KRT5: variants seen among roughly 807,000 people sequenced by gnomAD.
KRT5 encodes the protein keratin, type II cytoskeletal 5.
In KRT5, 17 loss-of-function variants were observed where a neutral mutation model predicts 44.0. That is an observed-to-expected ratio of 0.39 (90% confidence interval 0.26 to 0.58). The LOEUF (loss-of-function observed/expected upper bound fraction) is 0.58. Among genes scored for constraint, KRT5 ranks in the 20% least tolerant of loss-of-function variants. The pLI is 0.61. For synonymous variants in KRT5, 329 were observed against 312.8 expected (o/e 1.05, Z -0.55); for missense variants, 737 against 785.5 (o/e 0.94, Z 0.74).
Position 52,516,546 on chromosome 12 carries a change from C to T in KRT5, c.1439+91G>A. The T allele has an allele frequency of 2.4e-6, 3 of 1,234,642 alleles. No individual in the cohort carries two copies. The South Asian group carries it at 3.6e-5, about 15-fold the overall frequency. The allele number at this position is 1,234,642 out of a possible 1,614,324, so 76.5% of individuals were successfully genotyped here. Reference sequence around the variant, plus strand: ...ATGTGTCATTATCACGCACAAGTCACTGATCTCATGTATGTGTGTTGTACA... The same window carrying T: ...ATGTGTCATTATCACGCACAAGTCATTGATCTCATGTATGTGTGTTGTACA... On this transcript the variant is annotated intron_variant, in intron 7 of 8. Coordinates refer to ENST00000252242, the MANE Select transcript of KRT5 (RefSeq NM_000424.4).
intron 5 of KRT5, 129 bp downstream of exon 5, chr12:52,517,461 G>T: frequency 9.0e-7 from 1 of 1,112,598 alleles, no homozygotes; most frequent in Non-Finnish European, 1.4e-6. Flanking sequence ...TGTCTACACA[G>T]CCATTCCTAT....
At chr12:52,519,442 C>T in intron 1 of KRT5, 1 of 628,536 alleles carries the variant, frequency 1.6e-6, no homozygotes. Context: ...TGCCCATGCA[C>T]TTGTCTACCT....
rs61747181 is a variant in KRT5, at chr12:52,520,187, C to T, written c.110G>A (p.Arg37Gln). The T allele has an allele frequency of 2.4e-3, 3,921 of 1,613,946 alleles. 96 individuals carry two copies. In the South Asian group the frequency reaches 0.038, roughly 16 times the overall value. ...GCCACCACCACCGCCACCCCCGGACCGGGACACGGAGGTGAAGCTGGTGCG... is the reference window on the plus strand; with the variant it reads ...GCCACCACCACCGCCACCCCCGGACTGGGACACGGAGGTGAAGCTGGTGCG... ...VSRTSFTSVSRSGGGGGGGFG... is the reference protein window; with the variant it reads ...VSRTSFTSVSQSGGGGGGGFG... The change falls in exon 1 of 9, where the codon CGG becomes CAG. Residue 37 changes from arginine to glutamine, a missense_variant. This residue lies in a region of KRT5 where 326 missense variants were observed against 333.1 expected (regional missense o/e 0.98). Coordinates refer to ENST00000252242, the MANE Select transcript of KRT5 (RefSeq NM_000424.4).
At position 52,514,634 on chromosome 12, in the gene KRT5, T is replaced by G; in HGVS notation, c.*308A>C. The G allele has an allele frequency of 2.4e-6, 1 of 410,694 alleles. No homozygotes were observed. The highest frequency in any genetic ancestry group is 4.3e-6 in the Non-Finnish European group (1 of 230,170). The allele number at this position is 410,694 out of a possible 1,614,324, so 25.4% of individuals were successfully genotyped here. A position where few individuals can be genotyped will look rare whatever the true frequency, so the allele number is the denominator to read the frequency against. ...GGAGGTAGTTAGAACCAAAACAAAATTTGGGATTGGGGTGGGGATTCTGTT... is the reference window on the plus strand; with the variant it reads ...GGAGGTAGTTAGAACCAAAACAAAAGTTGGGATTGGGGTGGGGATTCTGTT... On this transcript the variant is annotated 3_prime_UTR_variant, in exon 9 of 9. Coordinates refer to ENST00000252242, the MANE Select transcript of KRT5 (RefSeq NM_000424.4).
Position 52,519,532 on chromosome 12 carries a change from A to G in KRT5, c.555+210T>C, listed in dbSNP as rs78198419. ...AGTTGTTAAGAGGCCCTTGTGAGCTAACCTCTGAATGGGAAGAAATAATTC... is the reference window on the plus strand; with the variant it reads ...AGTTGTTAAGAGGCCCTTGTGAGCTGACCTCTGAATGGGAAGAAATAATTC... On this transcript the variant is annotated intron_variant, in intron 1 of 8. Transcript: ENST00000252242. 4,302 of 666,544 alleles carry G rather than the reference A, an allele frequency of 6.5e-3. 146 individuals carry two copies. In the African/African-American group the frequency reaches 0.068, roughly 11 times the overall value. The allele number at this position is 666,544 out of a possible 1,614,324, so 41.3% of individuals were successfully genotyped here. A position where few individuals can be genotyped will look rare whatever the true frequency, so the allele number is the denominator to read the frequency against.
Position 52,520,162 on chromosome 12 carries a change from G to A in KRT5, c.135C>T (p.Gly45=), listed in dbSNP as rs746626191. Residue 45 remains glycine (G), a synonymous_variant, in exon 1 of 9, where the codon GGC becomes GGT. Transcript: ENST00000252242. Reference sequence around the variant, plus strand: ...CACCCGCAAGGCTGACCCTGCCGAAGCCACCACCACCGCCACCCCCGGACC... The same window carrying A: ...CACCCGCAAGGCTGACCCTGCCGAAACCACCACCACCGCCACCCCCGGACC... ...VSRSGGGGGG[G]FGRVSLAGAC... is the part of the protein sequence containing the mutation. 1.2e-6 allele frequency: 2 copies of A among 1,613,920 alleles called. No individual in the cohort carries two copies. Among genetic ancestry groups the A allele is most frequent in the East Asian group, 4.5e-5 (2 of 44,878 alleles).
intron 7 of KRT5, chr12:52,516,386 G>T: frequency 1.9e-6 from 1 of 531,176 alleles, no homozygotes; most frequent in South Asian, 2.0e-5. Flanking sequence ...AGGCACAAGT[G>T]TCAAGAAGAT....
chr12:52,515,364 GC>G, intron 8 of KRT5, 124 bp from the exon 9 acceptor site: 1 of 1,370,346 alleles, frequency 7.3e-7, no homozygotes, highest in Non-Finnish European at 1.0e-6. Flanking sequence ...AGCAAACAAG[GC>G]CCGGAAGAAC....
intron 7 of KRT5, 126 bp from the exon 8 acceptor site, chr12:52,515,958 C>T (rs938809611): frequency 1.1e-5 from 9 of 804,528 alleles, no homozygotes; most frequent in Non-Finnish European, 2.0e-5. Context: ...CACCCAAAAG[C>T]TGCTTAAGTT....
Position 52,517,532 on chromosome 12 carries a change from T to A in KRT5, c.1092+58A>T, listed in dbSNP as rs114225611. On this transcript the variant is annotated intron_variant, in intron 5 of 8. Transcript: ENST00000252242. The stretch of plus-strand genomic sequence containing the variant: ...CCCCATTCTTAGTGTCGTCATGGCC[T>A]AGAATCCTAGACATGGGTGTGTCCC... The A allele has an allele frequency of 7.5e-4, 1,176 of 1,576,056 alleles. 10 individuals are homozygous for A. In the African/African-American group the frequency reaches 0.014, roughly 19 times the overall value.
intron 7 of KRT5, 199 bp from the exon 8 acceptor site, chr12:52,516,031 T>C (rs1938604616): frequency 1.6e-6 from 1 of 613,170 alleles, no homozygotes; most frequent in East Asian, 2.7e-5. Context: ...AGAAACAAGT[T>C]GTTAGGAAAG....
Position 52,520,266 on chromosome 12 carries a change from T to C in KRT5, c.31A>G (p.Ser11Gly), listed in dbSNP as rs755664811. 1.9e-6 allele frequency: 3 copies of C among 1,613,612 alleles called. No homozygotes were observed. Among genetic ancestry groups the C allele is most frequent in the Non-Finnish European group, 2.5e-6 (3 of 1,180,008 alleles). MSRQSSVSFR[S>G]GGSRSFSTAS... ...GTGCTGAAGCTACGACTGCCCCCGC[T>C]CCGGAAGGACACACTTGACTGGCGA... is the stretch of plus-strand genomic sequence containing the variant. Residue 11 changes from serine to glycine, a missense_variant, in exon 1 of 9, where the codon AGC becomes GGC. This residue lies in a region of KRT5 where 326 missense variants were observed against 333.1 expected (regional missense o/e 0.98). Transcript: ENST00000252242.
At chr12:52,515,294 A>G (rs1411365791) in intron 8 of KRT5, 54 bp from the exon 9 acceptor site, 2 of 1,599,762 alleles carry the variant, frequency 1.3e-6, no homozygotes, top group South Asian at 1.1e-5. Flanking sequence ...CTGATCCTGC[A>G]TGGCCCATTT....
Position 52,520,117 on chromosome 12 carries a change from A to G in KRT5, c.180T>C (p.Tyr60=). The G allele has an allele frequency of 6.2e-7, 1 of 1,614,010 alleles. No homozygotes were observed. The highest frequency in any genetic ancestry group is 8.5e-7 in the Non-Finnish European group (1 of 1,179,958). ...SLAGACGVGG[Y]GSRSLYNLGG... is the part of the protein sequence containing the mutation. ...CCAGGTTGTAGAGGCTCCGGCTGCC[A>G]TAGCCACCCACTCCACAAGCACCCG... is the stretch of plus-strand genomic sequence containing the variant. The change falls in exon 1 of 9, where the codon TAT becomes TAC. Residue 60 remains tyrosine (Y), a synonymous_variant. Transcript: ENST00000252242.
At chr12:52,516,343 A>G in intron 7 of KRT5, 1 of 451,792 alleles carries the variant, frequency 2.2e-6, no homozygotes, top group Non-Finnish European at 4.1e-6. Context: ...ATGGATATTG[A>G]GGTTGAGCAA....
Position 52,516,285 on chromosome 12 carries a change from T to C in KRT5, c.1439+352A>G, listed in dbSNP as rs1273065288. On this transcript the variant is annotated intron_variant, in intron 7 of 8. Transcript: ENST00000252242. ...GCTGGAGTAAACATGAAAGCCTTCC[T>C]GAAGGAAGGGGTACTGGAGGACAAG... 3 of 393,256 alleles carry C rather than the reference T, an allele frequency of 7.6e-6. No homozygotes were observed. The East Asian group carries it at 1.7e-4, about 23-fold the overall frequency. 24.4% of individuals were successfully genotyped at this position (393,256 alleles called of 1,614,324 possible). A position where few individuals can be genotyped will look rare whatever the true frequency, so the allele number is the denominator to read the frequency against.
rs753029185 is a variant in KRT5 at position 52,515,099 on chromosome 12, C to T, written c.1616G>A (p.Gly539Asp). 2.5e-5 allele frequency: 41 copies of T among 1,612,184 alleles called. No homozygotes were observed. The Admixed American group carries it at 6.9e-4, about 27-fold the overall frequency. The change falls in exon 9 of 9, where the codon GGT (glycine) becomes GAT (aspartate). Residue 539 changes from glycine (G) to aspartate (D), a missense_variant. By Grantham distance (94) the Gly-to-Asp change is moderately conservative (BLOSUM62 -1). Transcript: ENST00000252242. ...ACTGAGCCCACCACCTAGGCCGACA[C>T]CCCCACTGCTGCTGGAGTAGTAGCT... ...SGSYYSSSSG[G>D]VGLGGGLSVG...
intron 7 of KRT5, 101 bp downstream of exon 7, chr12:52,516,536 G>T: frequency 8.7e-7 from 1 of 1,153,666 alleles, no homozygotes. Context: ...TCATTATCAC[G>T]CACAAGTCAC....
In KRT5 at chr12:52,515,120, TA is replaced by T; in HGVS notation, c.1594del (p.Tyr532ThrfsTer11). The stretch of plus-strand genomic sequence containing the variant: ...GACACCCCCACTGCTGCTGGAGTAG[TA>T]GCTTCCACTGCTACCTCCGGCAAGA... Reference protein sequence around the residue: ...GGLAGGSSGSYYSSSSGGVGL... With the variant: ...GGLAGGSSGSXYSSSSGGVGL... On this transcript the variant is annotated frameshift_variant, in exon 9 of 9. Coordinates refer to ENST00000252242, the MANE Select transcript of KRT5 (RefSeq NM_000424.4). LOFTEE classifies it low-confidence loss of function (END_TRUNC). 6.2e-7 allele frequency: 1 copy of T among 1,610,796 alleles called. No homozygotes were observed. The highest frequency in any genetic ancestry group is 8.5e-7 in the Non-Finnish European group (1 of 1,178,832).
Sources: gnomAD v4.1 joint callset for allele counts on GRCh38, gnomAD v4.1.1 for gene constraint, gnomAD v4.1.1 regional missense constraint, MANE v1.5 for transcripts, NCBI Gene and HGNC (gene_info 2026-07-23, HGNC 2026-07-21) for gene names.